The following ADGRL2 variants were observed in gnomAD, a reference collection of about 807,000 sequenced individuals.
The protein encoded by ADGRL2 is calcium-independent alpha-latrotoxin receptor 2.
A neutral mutation model predicts 157.4 loss-of-function variants in ADGRL2; 44 were observed. That is an observed-to-expected ratio of 0.28 (90% confidence interval 0.22 to 0.36). ADGRL2 has a LOEUF of 0.36. Ranked by LOEUF, ADGRL2 falls within the 10% of genes least tolerant of loss-of-function variation. ADGRL2 has a pLI of 1.00. For synonymous variants in ADGRL2, 585 were observed against 624.7 expected, an observed-to-expected ratio of 0.94 and a Z score of 0.95; for missense variants, 1,510 against 1,768.9, an observed-to-expected ratio of 0.85 and a Z score of 2.63.
intron 3 of ADGRL2, among the ~76,000 whole-genome samples, chr1:81,911,896 C>CG (rs1390015189): frequency 1.1e-5 from 1 of 92,950 alleles, no homozygotes. Flanking sequence ...TTTTTTTTTG[C>CG]GGGGGGATGG....
Position 81,943,107 on chromosome 1 carries a change from G to C in ADGRL2, c.548G>C (p.Arg183Pro). Residue 183 changes from arginine (R) to proline (P), a missense_variant, in exon 6 of 24, where the codon CGT becomes CCT. By Grantham distance (103) the Arg-to-Pro change is moderately radical. Transcript: ENST00000686636. The surrounding 1 kb of genome is among the most constrained non-coding windows in gnomAD (Gnocchi z 5.6). The part of the protein sequence containing the change: ...KIYFMPWTPY[R>P]TDTLIEYASL... Reference sequence around the variant, plus strand: ...TATTTCATGCCCTGGACTCCCTATCGTACCGATACTTTAATAGAATATGCT... The same window carrying C: ...TATTTCATGCCCTGGACTCCCTATCCTACCGATACTTTAATAGAATATGCT... The C allele has an allele frequency of 6.2e-7, 1 of 1,613,364 alleles. No homozygotes were observed. Among genetic ancestry groups the C allele is most frequent in the Non-Finnish European group, 8.5e-7 (1 of 1,179,532 alleles).
At chr1:81,643,210 C>A (rs2082253590) in intron 3 of ADGRL2, among the ~76,000 whole-genome samples, 1 of 152,184 alleles carries the variant, frequency 6.6e-6, no homozygotes, top group Admixed American at 6.5e-5. Context: ...AAAAAGACTT[C>A]CCGGGACTAA....
At chr1:81,935,600 A>G (rs766178961) in intron 3 of ADGRL2, among the ~76,000 whole-genome samples, 1 of 151,918 alleles carries the variant, frequency 6.6e-6, no homozygotes, top group East Asian at 1.9e-4. Flanking sequence ...GTGCTATTTT[A>G]TACTTCAGTA....
At chr1:81,936,957 A>G in intron 4 of ADGRL2, 120 bp downstream of exon 4, 1 of 603,104 alleles carries the variant, frequency 1.7e-6, no homozygotes, top group Admixed American at 2.4e-5. Flanking sequence ...TATGCAGAGC[A>G]CTAACAGACT....
At chr1:81,419,165 C>T (rs2077083337) in intron 1 of ADGRL2, among the ~76,000 whole-genome samples, 1 of 152,196 alleles carries the variant, frequency 6.6e-6, no homozygotes, top group African/African-American at 2.4e-5. Context: ...TTTCTTTATT[C>T]AGCAACCTTA....
chr1:81,414,910 CAT>C (rs2101473791), intron 1 of ADGRL2, among the ~76,000 whole-genome samples: 1 of 152,280 alleles, frequency 6.6e-6, no homozygotes, highest in South Asian at 2.1e-4. Flanking sequence ...CTGTTTGACT[CAT>C]AGGGTCTAGG....
rs534148843 is a variant in ADGRL2 at position 81,362,488 on chromosome 1, G to A, written c.-302+55979G>A. On this transcript the variant is annotated intron_variant, in intron 1 of 24. Coordinates refer to the ADGRL2 transcript ENST00000370721. ...GATTACATTGCCCTTCTATCATTAT[G>A]CTAATTCCTCCACAAGAAATGAGAA... Among the ~76,000 whole-genome samples the A allele has an allele frequency of 4.0e-5, 6 of 151,654 alleles. No individual in the cohort carries two copies. The South Asian group carries it at 1.2e-3, about 32-fold the overall frequency.
chr1:81,417,183 T>A (rs4636513), intron 1 of ADGRL2, among the ~76,000 whole-genome samples: 7 of 151,936 alleles, frequency 4.6e-5, no homozygotes, highest in African/African-American at 1.7e-4. Context: ...CAGACTACTA[T>A]ACAATTCTTT....
chr1:81,749,464 C>A (rs1557619053), intron 1 of ADGRL2, among the ~76,000 whole-genome samples: 2 of 152,240 alleles, frequency 1.3e-5, no homozygotes, highest in East Asian at 3.9e-4. Context: ...CATTAATAAC[C>A]TGGCATACCA....
At chr1:81,874,739 T>G (rs572313817) in intron 2 of ADGRL2, among the ~76,000 whole-genome samples, 1 of 151,938 alleles carries the variant, frequency 6.6e-6, no homozygotes, top group African/African-American at 2.4e-5. Flanking sequence ...GGAGTCTTGC[T>G]CTGTACCCCA....
intron 2 of ADGRL2, among the ~76,000 whole-genome samples, chr1:81,841,928 T>G (rs988612495): frequency 6.6e-6 from 1 of 152,142 alleles, no homozygotes; most frequent in Admixed American, 6.5e-5. Flanking sequence ...ACAGAGGCAT[T>G]GGGATGAGCG....
At chr1:81,939,018 A>ATG (rs1312562319) in intron 4 of ADGRL2, among the ~76,000 whole-genome samples, 2 of 151,538 alleles carry the variant, frequency 1.3e-5, no homozygotes, top group Non-Finnish European at 3.0e-5. Flanking sequence ...AACATTTATT[A>ATG]TGTGTTTTTT....
At chr1:81,897,649 T>C (rs1481996291) in intron 2 of ADGRL2, among the ~76,000 whole-genome samples, 1 of 152,180 alleles carries the variant, frequency 6.6e-6, no homozygotes, top group Admixed American at 6.5e-5. Flanking sequence ...TATCAGCTAA[T>C]GGTTTTCTAA....
intron 7 of ADGRL2, 54 bp downstream of exon 7, chr1:81,950,536 G>A (rs2148630): frequency 0.67 from 985,401 of 1,474,614 alleles, 331,342 homozygotes; most frequent in East Asian, 0.83. Context: ...AGTAGGTTCT[G>A]TATTACAGTG....
intron 1 of ADGRL2, chr1:81,721,859 A>G (rs80152757): frequency 0.09 from 64,307 of 716,644 alleles, 2,668 homozygotes; most frequent in South Asian, 0.098. Context: ...TACCAAGGGG[A>G]AAAAAAAAAC....
exon 1 of ADGRL2, chr1:81,306,470 T>G (rs1659342999): frequency 6.6e-6 from 1 of 152,218 alleles, no homozygotes; most frequent in Non-Finnish European, 1.5e-5. Context: ...ACAACTTTTT[T>G]TTTTTTATAA....
chr1:81,495,361 GTTGT>G (rs1273653125), intron 2 of ADGRL2, among the ~76,000 whole-genome samples: 1 of 152,122 alleles, frequency 6.6e-6, no homozygotes, highest in African/African-American at 2.4e-5. Context: ...AATGCTAAAG[GTTGT>G]TTAAGTTAAT....
chr1:81,321,934 C>T (rs1660530674), intron 1 of ADGRL2, among the ~76,000 whole-genome samples: 1 of 151,646 alleles, frequency 6.6e-6, no homozygotes. Context: ...TAAAATGAGG[C>T]ATGTGTACAT....
At chr1:81,737,646 G>A (rs898070816) in intron 1 of ADGRL2, among the ~76,000 whole-genome samples, 1 of 152,068 alleles carries the variant, frequency 6.6e-6, no homozygotes, top group Admixed American at 6.5e-5. Flanking sequence ...GATTATTTTC[G>A]TGTATTTATA....
Sources: allele counts gnomAD v4.1 joint callset (sites outside exome capture counted in the v4.1 genomes callset), GRCh38; gene constraint gnomAD v4.1.1; non-coding constraint Gnocchi (gnomAD v3.1); transcripts MANE v1.5; gene names NCBI Gene and HGNC (gene_info 2026-07-23, HGNC 2026-07-21).